The following RYR1 variants were observed in gnomAD, a reference collection of about 807,000 sequenced individuals.
RYR1 encodes ryanodine receptor 1, also known as central core disease of muscle.
A neutral mutation model predicts 583.5 loss-of-function variants in RYR1; 342 were observed. That is an observed-to-expected ratio of 0.59 (90% CI 0.54 to 0.64). RYR1 has a LOEUF of 0.64. Among genes scored for constraint, RYR1 ranks in the 30% least tolerant of loss-of-function variants. RYR1 has a pLI of 0.00. For missense variants in RYR1, 6,032 were observed against 6,917.2 expected, an observed-to-expected ratio of 0.87 and a Z score of 4.54; for synonymous variants, 2,791 against 2,822.5, an observed-to-expected ratio of 0.99 and a Z score of 0.35.
chr19:38,571,442 T>A (rs1210926485), intron 94 of RYR1, among the ~76,000 whole-genome samples: 1 of 152,078 alleles, frequency 6.6e-6, no homozygotes, highest in African/African-American at 2.4e-5. Context: ...AAGACCAGCC[T>A]GGCCACATGG....
intron 89 of RYR1, among the ~76,000 whole-genome samples, chr19:38,560,266 A>C (rs545264468): frequency 6.6e-6 from 1 of 151,976 alleles, no homozygotes; most frequent in Non-Finnish European, 1.5e-5. Flanking sequence ...AGGAGGCTGA[A>C]GCACGAGACT....
In RYR1 at chr19:38,446,575, G is replaced by A; in HGVS notation, c.725+10G>A. 3.1e-6 allele frequency: 5 copies of A among 1,612,616 alleles called. No individual in the cohort carries two copies. Among genetic ancestry groups the A allele is most frequent in the Non-Finnish European group, 4.2e-6 (5 of 1,178,538 alleles). On this transcript the variant is annotated intron_variant, in intron 8 of 105. Coordinates refer to ENST00000359596, the MANE Select transcript of RYR1 (RefSeq NM_000540.3). ...GTGATGACCAGCGCAGGTCTGGGCT[G>A]TGGACGAGAGGGCCTGGGGTCTAGG...
At position 38,499,840 on chromosome 19, in the gene RYR1, T is replaced by G. The variant is rs572871145; in HGVS notation, c.7214+19T>G. The G allele has an allele frequency of 1.2e-6, 2 of 1,610,088 alleles. No individual in the cohort carries two copies. Among genetic ancestry groups the G allele is most frequent in the South Asian group, 2.2e-5 (2 of 90,952 alleles). ...GCGAGCAGTGAGTCTCCCGGCCCCC[T>G]CCTCAATAGGGCAACCCGCCCTCCC... is the stretch of plus-strand genomic sequence containing the variant. On this transcript the variant is annotated intron_variant, in intron 44 of 105. Coordinates refer to ENST00000359596, the MANE Select transcript of RYR1 (RefSeq NM_000540.3). The surrounding 1 kb of genome is among the most constrained non-coding windows in gnomAD (Gnocchi z 7.3).
chr19:38,474,710 GACTA>G (rs1968624778), intron 28 of RYR1, among the ~76,000 whole-genome samples: 1 of 150,878 alleles, frequency 6.6e-6, no homozygotes, highest in Non-Finnish European at 1.5e-5. Flanking sequence ...GAGTATCTGG[GACTA>G]CAGGTGTGTG....
At chr19:38,484,806 T>G (rs1321362748) in intron 33 of RYR1, among the ~76,000 whole-genome samples, 1 of 149,882 alleles carries the variant, frequency 6.7e-6, no homozygotes, top group African/African-American at 2.4e-5. Context: ...CGTCTCCACA[T>G]TTTTTTTTTC....
intron 18 of RYR1, 69 bp downstream of exon 18, chr19:38,458,361 T>TA (rs1967538159): frequency 6.6e-7 from 1 of 1,518,960 alleles, no homozygotes; most frequent in African/African-American, 1.4e-5. Flanking sequence ...TCTCTGACCA[T>TA]ACACCTTGGG....
intron 99 of RYR1, 97 bp from the exon 100 acceptor site, chr19:38,579,885 C>G (rs1974120842): frequency 1.3e-6 from 2 of 1,548,818 alleles, no homozygotes; most frequent in Admixed American, 1.7e-5. Flanking sequence ...GCACCCGACC[C>G]CCAGGGCACA....
chr19:38,505,389 T>C lies in RYR1; in HGVS notation c.8391T>C (p.Phe2797=). The C allele has an allele frequency of 1.2e-6, 2 of 1,608,530 alleles. No homozygotes were observed. The part of the protein sequence containing the change: ...THPMLRPYKT[F]SEKDKEIYRW... ...CCATGCTGAGGCCCTACAAGACCTT[T>C]TCAGAGAAGGTGACCAGGCCTTGGG... Residue 2797 remains phenylalanine, a synonymous_variant, in exon 53 of 106, where the codon TTT becomes TTC. Transcript: ENST00000359596.
chr19:38,526,611 A>G (rs1328025980), intron 71 of RYR1, among the ~76,000 whole-genome samples: 2 of 141,160 alleles, frequency 1.4e-5, no homozygotes, highest in Admixed American at 7.4e-5. Flanking sequence ...GACTCCGTTG[A>G]CCTACGTGAT....
Position 38,505,855 on chromosome 19 carries a change from T to C in RYR1, c.8450T>C (p.Ile2817Thr), listed in dbSNP as rs369194674. The C allele has an allele frequency of 1.1e-5, 18 of 1,614,012 alleles. No individual in the cohort carries two copies. The African/African-American group carries it at 2.1e-4, about 19-fold the overall frequency. Residue 2817 changes from isoleucine (I) to threonine (T), a missense_variant, in exon 54 of 106, where the codon ATT becomes ACT. Transcript: ENST00000359596. ...ATCAAGGAGTCCCTGAAGGCCATGA[T>C]TGCCTGGGAATGGACGATAGAGAAG... ...WPIKESLKAMIAWEWTIEKAR... is the reference protein window; with the variant it reads ...WPIKESLKAMTAWEWTIEKAR...
intron 72 of RYR1, among the ~76,000 whole-genome samples, chr19:38,527,395 G>A (rs976170617): frequency 1.3e-5 from 2 of 152,104 alleles, no homozygotes. Context: ...CTGTAGTCCC[G>A]GCTACTCAGG....
At chr19:38,563,908 C>T (rs1314381585) in intron 90 of RYR1, among the ~76,000 whole-genome samples, 1 of 152,202 alleles carries the variant, frequency 6.6e-6, no homozygotes, top group Non-Finnish European at 1.5e-5. Flanking sequence ...CTGGGCCTCC[C>T]TGTCCTCATC....
intron 102 of RYR1, 30 bp from the exon 103 acceptor site, chr19:38,585,908 C>T (rs775248917): frequency 1.2e-5 from 20 of 1,613,786 alleles, no homozygotes; most frequent in African/African-American, 5.3e-5. Context: ...GGTCAGAGGT[C>T]GGGCACTGAC....
At chr19:38,515,428 C>T (rs1034575073) in intron 64 of RYR1, among the ~76,000 whole-genome samples, 2 of 152,152 alleles carry the variant, frequency 1.3e-5, no homozygotes, top group Admixed American at 6.6e-5. Context: ...GCCATGTGAC[C>T]GCTTCTGAGC....
At chr19:38,579,604 A>G (rs925150464) in intron 99 of RYR1, among the ~76,000 whole-genome samples, 22 of 151,380 alleles carry the variant, frequency 1.5e-4, no homozygotes, top group African/African-American at 5.1e-4. Context: ...AAAAAAAAAA[A>G]AAAAAGACAG....
In RYR1 at chr19:38,548,246, CG is replaced by C. The variant is rs1555795308; in HGVS notation, c.12110del (p.Gly4037AlafsTer2). On this transcript the variant is annotated frameshift_variant, in exon 89 of 106. Coordinates refer to ENST00000359596, the MANE Select transcript of RYR1 (RefSeq NM_000540.3). LOFTEE classifies it high-confidence loss of function. ...LSLLEGNVVN[G>X]MIARQMVDML... The stretch of plus-strand genomic sequence containing the variant: ...GGCTGCCTGCAGGGAACGTGGTGAA[CG>C]GCATGATCGCCCGGCAGATGGTGGA... The C allele has an allele frequency of 1.2e-6, 2 of 1,614,222 alleles. No individual in the cohort carries two copies. Among genetic ancestry groups the C allele is most frequent in the Non-Finnish European group, 1.7e-6 (2 of 1,180,052 alleles).
chr19:38,457,356 C>A, intron 16 of RYR1, 141 bp from the exon 17 acceptor site: 2 of 1,186,992 alleles, frequency 1.7e-6, no homozygotes, highest in South Asian at 1.2e-5. Context: ...CTTCCACTTT[C>A]ACCACCTCCT....
chr19:38,444,329 A>G lies in RYR1; in HGVS notation c.537+68A>G. ...ATGGGATGGTCCCCATCTTCTCACC[A>G]TGGGTTTGCCTGGCTGATCTCCCAC... On this transcript the variant is annotated intron_variant, in intron 6 of 105. Transcript: ENST00000359596. The surrounding 1 kb of genome is among the most constrained non-coding windows in gnomAD (Gnocchi z 5.1). The G allele has an allele frequency of 7.7e-7, 1 of 1,300,252 alleles. No homozygotes were observed. Among genetic ancestry groups the G allele is most frequent in the Non-Finnish European group, 1.1e-6 (1 of 908,632 alleles). 80.5% of individuals were successfully genotyped at this position (1,300,252 alleles called of 1,614,324 possible).
chr19:38,541,888 G>C (rs1010380535), intron 84 of RYR1, among the ~76,000 whole-genome samples: 1 of 151,900 alleles, frequency 6.6e-6, no homozygotes, highest in South Asian at 2.1e-4. Flanking sequence ...TTCGAGACCA[G>C]CCTGGGCTGG....
Sources: gnomAD v4.1 joint callset for allele counts (sites outside exome capture counted in the v4.1 genomes callset) on GRCh38, gnomAD v4.1.1 for gene constraint, Gnocchi (gnomAD v3.1) non-coding constraint, MANE v1.5 for transcripts, NCBI Gene and HGNC (gene_info 2026-07-23, HGNC 2026-07-21) for gene names.